Variants in TMEM40 observed in about 807,000 individuals in gnomAD.
TMEM40 encodes transmembrane protein 40.
In TMEM40, 34 loss-of-function variants were observed where a neutral mutation model predicts 40.8. The observed-to-expected ratio is 0.83, with a 90% CI of 0.63 to 1.11. The LOEUF (loss-of-function observed/expected upper bound fraction) is 1.11, where lower values mean the gene tolerates loss of function less well. Among genes scored for constraint, TMEM40 ranks in the 50% least tolerant of loss-of-function variants. The pLI, the probability that TMEM40 is intolerant of heterozygous loss-of-function variation, is 0.00. For synonymous variants in TMEM40, 106 were observed against 107.0 expected (o/e 0.99, Z 0.06); for missense variants, 296 against 280.2 (o/e 1.06, Z -0.40).
At chr3:12,752,101 G>T (rs2061482079) in intron 1 of TMEM40, among the ~76,000 whole-genome samples, 2 of 152,010 alleles carry the variant, frequency 1.3e-5, no homozygotes, top group African/African-American at 4.8e-5. Context: ...CCTAGCTTTT[G>T]TTTTTTTGAC....
chr3:12,736,883 T>C (rs770042678), intron 8 of TMEM40, 48 bp from the exon 9 acceptor site: 3 of 1,612,634 alleles, frequency 1.9e-6, no homozygotes, highest in East Asian at 4.5e-5. Context: ...TTCTCTCTCT[T>C]TTTTTGGGCA....
chr3:12,750,004 C>T (rs1368735324), intron 1 of TMEM40, among the ~76,000 whole-genome samples, 164 bp from the exon 2 acceptor site: 8 of 151,726 alleles, frequency 5.3e-5, no homozygotes, highest in African/African-American at 7.3e-5. Flanking sequence ...GCAAGAAGGC[C>T]GGGGTAGTGG....
chr3:12,737,511 C>T, intron 8 of TMEM40, 196 bp downstream of exon 8: 3 of 616,354 alleles, frequency 4.9e-6, no homozygotes, highest in Admixed American at 2.9e-5. Flanking sequence ...AACCTTGAAC[C>T]TCAGTTTTCA....
chr3:12,740,901 C>T (rs1167675554), intron 5 of TMEM40, among the ~76,000 whole-genome samples: 1 of 152,028 alleles, frequency 6.6e-6, no homozygotes, highest in Non-Finnish European at 1.5e-5. Context: ...CTCCCCTGCC[C>T]CCCAAAAAAC....
At chr3:12,759,741 A>C (rs2061556279), upstream of TMEM40, among the ~76,000 whole-genome samples, 1 of 152,130 alleles carries the variant, frequency 6.6e-6, no homozygotes, top group Non-Finnish European at 1.5e-5. Flanking sequence ...GCCCACTCCT[A>C]GGGAGGAAAC....
At position 12,733,568 on chromosome 3, in the gene TMEM40, T is replaced by C. The variant is rs905415695; in HGVS notation, c.*1206A>G. 1.3e-5 allele frequency: 2 copies of C among 152,132 alleles called. No homozygotes were observed. The highest frequency in any genetic ancestry group is 4.8e-5 in the African/African-American group (2 of 41,424). 9.4% of individuals were successfully genotyped at this position (152,132 alleles called of 1,614,324 possible). A position where few individuals can be genotyped will look rare whatever the true frequency, so the allele number is the denominator to read the frequency against. ...GTTTTATTTATATGTTTAATAAATA[T>C]CTGATCTGTGCACTCTGGGCTCCCG... On this transcript the variant is annotated 3_prime_UTR_variant, in exon 12 of 12. Transcript: ENST00000314124.
chr3:12,742,801 A>C (rs2061394031), intron 4 of TMEM40, among the ~76,000 whole-genome samples: 1 of 152,198 alleles, frequency 6.6e-6, no homozygotes. Context: ...CCAACACTGT[A>C]CTAAGTGATT....
intron 5 of TMEM40, among the ~76,000 whole-genome samples, chr3:12,740,733 A>G (rs1331288082): frequency 1.3e-5 from 2 of 151,842 alleles, no homozygotes; most frequent in Non-Finnish European, 2.9e-5. Flanking sequence ...TGTCGCATAC[A>G]TGTAGTCCCA....
chr3:12,749,678 C>A, intron 2 of TMEM40, 82 bp downstream of exon 2: 2 of 1,281,658 alleles, frequency 1.6e-6, no homozygotes, highest in South Asian at 1.3e-5. Flanking sequence ...GTGAGTTGAG[C>A]AGGGTCTTCT....
At chr3:12,755,169 T>G (rs892709572) in intron 1 of TMEM40, among the ~76,000 whole-genome samples, 2 of 149,442 alleles carry the variant, frequency 1.3e-5, no homozygotes, top group African/African-American at 5.0e-5. Context: ...TCTTTCTTTC[T>G]TTCTCTCTCT....
intron 10 of TMEM40, 98 bp downstream of exon 10, chr3:12,736,480 C>T: frequency 7.0e-7 from 1 of 1,427,396 alleles, no homozygotes; most frequent in East Asian, 2.5e-5. Context: ...TAGATTGTGA[C>T]TCTCTGGTCC....
At chr3:12,759,404 C>G (rs1442658966), upstream of TMEM40, 1 of 152,534 alleles carries the variant, frequency 6.6e-6, no homozygotes, top group Non-Finnish European at 1.5e-5. Flanking sequence ...TGACTTGACT[C>G]TTCCCTACAA....
intron 3 of TMEM40, among the ~76,000 whole-genome samples, chr3:12,744,316 G>T (rs1188053386): frequency 6.6e-6 from 1 of 152,164 alleles, no homozygotes; most frequent in East Asian, 1.9e-4. Flanking sequence ...AAGTGCAGGG[G>T]CTGTGTCATC....
intron 1 of TMEM40, among the ~76,000 whole-genome samples, chr3:12,752,581 A>G (rs2061486933): frequency 6.6e-6 from 1 of 152,006 alleles, no homozygotes; most frequent in African/African-American, 2.4e-5. Flanking sequence ...GGCGGATCAC[A>G]AGGTCAGGAG....
chr3:12,742,575 A>G (rs2061392513), intron 4 of TMEM40, 68 bp from the exon 5 acceptor site: 4 of 1,558,110 alleles, frequency 2.6e-6, no homozygotes, highest in Non-Finnish European at 3.5e-6. Flanking sequence ...TCCCTCTCCC[A>G]TGGCTTCGAC....
Position 12,742,504 on chromosome 3 carries a change from G to T in TMEM40, c.305C>A (p.Pro102His). 1 of 1,613,878 alleles carries T rather than the reference G, an allele frequency of 6.2e-7. No individual in the cohort carries two copies. The highest frequency in any genetic ancestry group is 8.5e-7 in the Non-Finnish European group (1 of 1,179,908). Residue 102 changes from proline (P) to histidine (H), a missense_variant, in exon 5 of 12, where the codon CCT becomes CAT. Physicochemically the swap from Pro to His is moderately conservative, Grantham distance 77. Coordinates refer to ENST00000314124, the MANE Select transcript of TMEM40 (RefSeq NM_018306.4). Reference protein sequence around the residue: ...GYPHGNGSPGPGHGEPDVLKD... With the variant: ...GYPHGNGSPGHGHGEPDVLKD... The stretch of plus-strand genomic sequence containing the variant: ...CAAAACGTCAGGCTCCCCATGCCCA[G>T]GACCTGGATGGAGACAAACCCCTTA...
At chr3:12,740,778 A>G (rs1250179096) in intron 5 of TMEM40, among the ~76,000 whole-genome samples, 1 of 151,634 alleles carries the variant, frequency 6.6e-6, no homozygotes, top group Non-Finnish European at 1.5e-5. Context: ...GAATCGCTTG[A>G]GCCCAGGAGG....
chr3:12,738,597 A>G lies in TMEM40; in HGVS notation c.356-9T>C, dbSNP rs764177792. ...CACCTCTCCAGGAGCATCTGCACAG[A>G]AAGGAAATCAGTGATCATATACCCA... is the stretch of plus-strand genomic sequence containing the variant. On this transcript the variant is annotated splice_polypyrimidine_tract_variant and intron_variant, in intron 5 of 11. Coordinates refer to ENST00000314124, the MANE Select transcript of TMEM40 (RefSeq NM_018306.4). 5 of 1,613,924 alleles carry G rather than the reference A, an allele frequency of 3.1e-6. No homozygotes were observed. The highest frequency in any genetic ancestry group is 1.7e-5 in the Admixed American group (1 of 60,018).
intron 1 of TMEM40, among the ~76,000 whole-genome samples, chr3:12,753,287 C>G (rs536624881): frequency 3.8e-4 from 54 of 142,016 alleles, no homozygotes; most frequent in Admixed American, 2.2e-3. Context: ...GGCACGATCA[C>G]GGCTCTGCAG....
Sources: allele counts gnomAD v4.1 joint callset (sites outside exome capture counted in the v4.1 genomes callset), GRCh38; gene constraint gnomAD v4.1.1; transcripts MANE v1.5; gene names NCBI Gene and HGNC (gene_info 2026-07-23, HGNC 2026-07-21).